SEL1L2: variants seen among roughly 807,000 people sequenced by gnomAD.
SEL1L2 encodes protein sel-1 homolog 2.
In SEL1L2, 89 loss-of-function variants were observed where a neutral mutation model predicts 98.8. The observed-to-expected ratio is 0.90, with a 90% confidence interval of 0.76 to 1.07. SEL1L2 has a LOEUF of 1.07. Ranked by LOEUF, SEL1L2 falls within the 50% of genes least tolerant of loss-of-function variation. The pLI, the probability that SEL1L2 is intolerant of heterozygous loss-of-function variation, is 0.00. For synonymous variants in SEL1L2, 262 were observed against 278.5 expected (o/e 0.94, Z 0.59); for missense variants, 788 against 812.0 (o/e 0.97, Z 0.36).
chr20:13,942,294 T>C (rs985270548), intron 2 of SEL1L2, among the ~76,000 whole-genome samples: 1 of 152,192 alleles, frequency 6.6e-6, no homozygotes, highest in African/African-American at 2.4e-5. Context: ...CCACTATATT[T>C]CTAAAGAGTA....
At chr20:13,947,420 G>C (rs1196926749) in intron 2 of SEL1L2, among the ~76,000 whole-genome samples, 1 of 152,090 alleles carries the variant, frequency 6.6e-6, no homozygotes, top group African/African-American at 2.4e-5. Flanking sequence ...TGTTCATCAG[G>C]ACCACCTGCC....
intron 5 of SEL1L2, among the ~76,000 whole-genome samples, chr20:13,902,720 G>A (rs1351565917): frequency 1.4e-5 from 2 of 144,420 alleles, no homozygotes; most frequent in Non-Finnish European, 3.1e-5. Flanking sequence ...AAGAAAAAAC[G>A]TCTGGTTTTT....
At chr20:13,904,327 G>A (rs922240434) in intron 5 of SEL1L2, among the ~76,000 whole-genome samples, 1 of 152,152 alleles carries the variant, frequency 6.6e-6, no homozygotes, top group Non-Finnish European at 1.5e-5. Context: ...TCAGGAGTTT[G>A]AGACCAGCCT....
chr20:13,969,213 C>G (rs571804165), intron 1 of SEL1L2, among the ~76,000 whole-genome samples: 1 of 152,238 alleles, frequency 6.6e-6, no homozygotes, highest in African/African-American at 2.4e-5. Context: ...TGAATATATT[C>G]CTGTCATTTC....
chr20:13,964,529 C>T (rs1307874825), intron 1 of SEL1L2, among the ~76,000 whole-genome samples: 2 of 150,418 alleles, frequency 1.3e-5, no homozygotes, highest in East Asian at 2.0e-4. Flanking sequence ...CTCAGCTCAC[C>T]GCAACCTCCG....
At chr20:13,956,027 T>A (rs1265727955) in intron 2 of SEL1L2, 49 bp downstream of exon 2, 2 of 1,056,612 alleles carry the variant, frequency 1.9e-6, no homozygotes, top group Non-Finnish European at 2.9e-6. Flanking sequence ...CTAGTGCCTA[T>A]AGCCTAAATT....
At chr20:13,979,054 G>A (rs537240015) in intron 1 of SEL1L2, among the ~76,000 whole-genome samples, 31 of 152,136 alleles carry the variant, frequency 2.0e-4, no homozygotes, top group East Asian at 7.7e-4. Flanking sequence ...AGTGAGACTC[G>A]TCTCAAAAAG....
chr20:13,972,637 G>A (rs1442859909), intron 1 of SEL1L2, among the ~76,000 whole-genome samples: 1 of 151,922 alleles, frequency 6.6e-6, no homozygotes, highest in East Asian at 1.9e-4. Flanking sequence ...GTTTGAAAAT[G>A]TCATTACACT....
At chr20:13,900,650 G>T (rs1366033300) in intron 5 of SEL1L2, among the ~76,000 whole-genome samples, 2 of 152,254 alleles carry the variant, frequency 1.3e-5, no homozygotes, top group East Asian at 3.9e-4. Flanking sequence ...ATAATCCGCC[G>T]CTGTGCCTGT....
At chr20:13,930,985 A>T (rs1433386845) in intron 3 of SEL1L2, among the ~76,000 whole-genome samples, 1 of 151,870 alleles carries the variant, frequency 6.6e-6, no homozygotes, top group East Asian at 2.0e-4. Context: ...TAAAAACATT[A>T]GTTGGGCCTG....
At chr20:13,938,637 C>A (rs1372727545) in intron 2 of SEL1L2, among the ~76,000 whole-genome samples, 1 of 152,084 alleles carries the variant, frequency 6.6e-6, no homozygotes, top group East Asian at 1.9e-4. Flanking sequence ...TGACATTCCT[C>A]ACATCGTATT....
rs202063999 is a variant in SEL1L2 at position 13,950,193 on chromosome 20, G to GT, written c.114+5882dup. Among the ~76,000 whole-genome samples the GT allele has an allele frequency of 4.7e-3, 709 of 151,248 alleles. 3 individuals carry two copies. Among genetic ancestry groups the GT allele is most frequent in the African/African-American group, 9.9e-3 (408 of 41,256 alleles). The stretch of plus-strand genomic sequence containing the variant: ...GTGAGAGGGGAATGGAGAGGTTTTT[G>GT]TTTTTTTTTAATGGATATAGAGTTT... On this transcript the variant is annotated intron_variant, in intron 2 of 19. Coordinates refer to ENST00000284951, the MANE Select transcript of SEL1L2 (RefSeq NM_025229.2).
At chr20:13,969,095 A>G (rs2051173702) in intron 1 of SEL1L2, among the ~76,000 whole-genome samples, 1 of 152,206 alleles carries the variant, frequency 6.6e-6, no homozygotes. Context: ...CAATAGATAG[A>G]AAGTTTCCAC....
chr20:13,994,747 C>G (rs911373427), upstream of SEL1L2, among the ~76,000 whole-genome samples: 3 of 152,166 alleles, frequency 2.0e-5, no homozygotes, highest in African/African-American at 7.2e-5. Flanking sequence ...AAAGTAAGAC[C>G]ACTCGGCTCT....
intron 17 of SEL1L2, 38 bp from the exon 18 acceptor site, chr20:13,859,472 A>C (rs748430073): frequency 1.3e-6 from 2 of 1,524,512 alleles, no homozygotes; most frequent in East Asian, 2.3e-5. Context: ...TCATAACTCA[A>C]ATGATTCATG....
At chr20:13,915,099 T>C in intron 4 of SEL1L2, 1 of 1,284,076 alleles carries the variant, frequency 7.8e-7, no homozygotes, top group South Asian at 1.3e-5. Context: ...TGCTTCTGAT[T>C]TAGGAGGATC....
chr20:13,947,437 A>T (rs538634201), intron 2 of SEL1L2, among the ~76,000 whole-genome samples: 2 of 152,162 alleles, frequency 1.3e-5, no homozygotes, highest in African/African-American at 4.8e-5. Flanking sequence ...TGCCTGCGGA[A>T]AGGAGCTACC....
At chr20:13,865,545 A>T (rs761812) in intron 15 of SEL1L2, 31 bp from the exon 16 acceptor site, 4 of 1,589,476 alleles carry the variant, frequency 2.5e-6, no homozygotes, top group Non-Finnish European at 3.4e-6. Context: ...CAAGGAGACT[A>T]GTTAGCCAGT....
chr20:13,968,205 T>G (rs1455164760), intron 1 of SEL1L2, among the ~76,000 whole-genome samples: 1 of 152,252 alleles, frequency 6.6e-6, no homozygotes, highest in Non-Finnish European at 1.5e-5. Flanking sequence ...CTGGAATAGT[T>G]CCGTTACTTA....
Sources: gnomAD v4.1 joint callset for allele counts (sites outside exome capture counted in the v4.1 genomes callset) on GRCh38, gnomAD v4.1.1 for gene constraint, MANE v1.5 for transcripts, NCBI Gene and HGNC (gene_info 2026-07-23, HGNC 2026-07-21) for gene names.